The following LINGO1 variants were observed in gnomAD, a reference collection of about 807,000 sequenced individuals.
The protein encoded by LINGO1 is leucine-rich repeat and immunoglobulin-like domain-containing nogo receptor-interacting protein 1.
In LINGO1, 11 loss-of-function variants were observed where a neutral mutation model predicts 37.3. The observed-to-expected ratio is 0.29, with a 90% CI of 0.19 to 0.49. LINGO1 has a LOEUF of 0.49. Ranked by LOEUF, LINGO1 falls within the 20% of genes least tolerant of loss-of-function variation. The pLI, the probability that LINGO1 is intolerant of heterozygous loss-of-function variation, is 0.99. For synonymous variants in LINGO1, 387 were observed against 403.0 expected, an observed-to-expected ratio of 0.96 and a Z score of 0.48; for missense variants, 585 against 878.2, an observed-to-expected ratio of 0.67 and a Z score of 4.22.
At chr15:77,709,231 C>T (rs746636514) in intron 2 of LINGO1, among the ~76,000 whole-genome samples, 3 of 152,172 alleles carry the variant, frequency 2.0e-5, no homozygotes, top group Non-Finnish European at 4.4e-5. Flanking sequence ...ACTATCTGGC[C>T]ATGGAAAATG....
At chr15:77,747,448 C>G (rs1391558080) in intron 1 of LINGO1, among the ~76,000 whole-genome samples, 1 of 152,224 alleles carries the variant, frequency 6.6e-6, no homozygotes, top group African/African-American at 2.4e-5. Context: ...GTCAATCACT[C>G]CCCCTGCAAG....
chr15:77,637,084 G>A (rs866226382), upstream of LINGO1, among the ~76,000 whole-genome samples: 1 of 152,148 alleles, frequency 6.6e-6, no homozygotes, highest in African/African-American at 2.4e-5. The surrounding 1 kb of genome is among the most constrained non-coding windows in gnomAD (Gnocchi z 4.6). Context: ...TGTCACAAAG[G>A]GTCAGGCCTG....
At chr15:77,800,497 C>T (rs781025518) in intron 1 of LINGO1, among the ~76,000 whole-genome samples, 1 of 152,100 alleles carries the variant, frequency 6.6e-6, no homozygotes, top group Non-Finnish European at 1.5e-5. Context: ...GGAGCATGGA[C>T]GGATGGGGCC....
intron 1 of LINGO1, among the ~76,000 whole-genome samples, chr15:77,799,801 TTTTC>T (rs1219534143): frequency 6.9e-6 from 1 of 144,308 alleles, no homozygotes; most frequent in African/African-American, 2.6e-5. Context: ...TTTTGTTTTG[TTTTC>T]TTTTTTTTTG....
At chr15:77,814,865 G>A (rs1360298396) in intron 1 of LINGO1, among the ~76,000 whole-genome samples, 1 of 152,226 alleles carries the variant, frequency 6.6e-6, no homozygotes. Context: ...CTCCACTGAG[G>A]CCAGTGACCC....
At chr15:77,655,665 C>T (rs755323404) in intron 3 of LINGO1, among the ~76,000 whole-genome samples, 4 of 152,206 alleles carry the variant, frequency 2.6e-5, no homozygotes, top group Non-Finnish European at 5.9e-5. Context: ...ATCTTACAGA[C>T]TGGAGACACT....
intron 2 of LINGO1, among the ~76,000 whole-genome samples, chr15:77,703,355 G>T (rs182298516): frequency 1.3e-5 from 2 of 152,286 alleles, no homozygotes; most frequent in Non-Finnish European, 2.9e-5. Flanking sequence ...TGATTGTTTC[G>T]TGTCCTCGTG....
intron 1 of LINGO1, among the ~76,000 whole-genome samples, chr15:77,627,352 A>T (rs9920869): frequency 0.18 from 27,523 of 152,030 alleles, 5,356 homozygotes; most frequent in African/African-American, 0.49. Context: ...GCTCCAAATT[A>T]GCCTGCCAGC....
At chr15:77,790,856 C>T (rs1484291609), upstream of LINGO1, among the ~76,000 whole-genome samples, 1 of 152,210 alleles carries the variant, frequency 6.6e-6, no homozygotes, top group African/African-American at 2.4e-5. Context: ...GCCTGAGCTG[C>T]CTTGGAGAGA....
At chr15:77,770,565 G>A (rs2076574688) in intron 1 of LINGO1, among the ~76,000 whole-genome samples, 1 of 138,634 alleles carries the variant, frequency 7.2e-6, no homozygotes, top group Admixed American at 7.5e-5. Flanking sequence ...TCCAGCCTGG[G>A]TAACAAAGCG....
intron 1 of LINGO1, among the ~76,000 whole-genome samples, chr15:77,616,400 C>T (rs990176093): frequency 5.3e-5 from 8 of 152,208 alleles, no homozygotes; most frequent in Admixed American, 2.0e-4. Context: ...CTAGCCTGCA[C>T]GGCCAGGGCT....
At chr15:77,749,784 C>T (rs968828492) in intron 1 of LINGO1, among the ~76,000 whole-genome samples, 2 of 152,232 alleles carry the variant, frequency 1.3e-5, no homozygotes, top group Non-Finnish European at 2.9e-5. Flanking sequence ...GTTAGTCAAA[C>T]ATCTTCTCTC....
At chr15:77,810,079 C>A (rs1388606509) in intron 1 of LINGO1, among the ~76,000 whole-genome samples, 2 of 152,024 alleles carry the variant, frequency 1.3e-5, no homozygotes, top group Non-Finnish European at 2.9e-5. Flanking sequence ...CTAATCAGGG[C>A]ACTCCTCCTT....
intron 2 of LINGO1, among the ~76,000 whole-genome samples, chr15:77,682,458 G>T (rs1292981170): frequency 1.3e-5 from 2 of 151,908 alleles, no homozygotes; most frequent in Non-Finnish European, 2.9e-5. Context: ...ATGTCCATGT[G>T]TCCCTGCCAA....
chr15:77,699,181 T>C (rs1567531312), upstream of LINGO1, among the ~76,000 whole-genome samples: 1 of 151,940 alleles, frequency 6.6e-6, no homozygotes, highest in Non-Finnish European at 1.5e-5. Context: ...AGGACCTTGG[T>C]AGTCCCCTCG....
intron 2 of LINGO1, among the ~76,000 whole-genome samples, chr15:77,711,951 G>A (rs1364449281): frequency 1.3e-5 from 2 of 152,148 alleles, no homozygotes; most frequent in African/African-American, 4.8e-5. Flanking sequence ...TGTGCTCCCT[G>A]CTCCTCGGGG....
chr15:77,689,508 G>A lies in LINGO1; in HGVS notation c.-99+1212C>T, dbSNP rs533465505. ...CTAGAGAACTGCCCTCCACAAATGG[G>A]GGCCACCTCACCTGGGCCATCCAGG... On this transcript the variant is annotated intron_variant, in intron 2 of 3. Transcript: ENST00000559893. Among the ~76,000 whole-genome samples, 8 of 152,282 alleles carry A rather than the reference G, an allele frequency of 5.3e-5. No individual in the cohort carries two copies. In the South Asian group the frequency reaches 1.7e-3, roughly 32 times the overall value.
At chr15:77,682,481 T>C (rs1027594685) in intron 2 of LINGO1, among the ~76,000 whole-genome samples, 5 of 152,054 alleles carry the variant, frequency 3.3e-5, no homozygotes, top group Non-Finnish European at 7.4e-5. Context: ...TGACCACTCA[T>C]GTGCACCTGC....
At chr15:77,815,891 C>T (rs985854710) in intron 1 of LINGO1, among the ~76,000 whole-genome samples, 2 of 152,194 alleles carry the variant, frequency 1.3e-5, no homozygotes, top group African/African-American at 2.4e-5. Context: ...CTGGTGCCAA[C>T]CTTCTCCATG....
Sources: allele counts gnomAD v4.1 joint callset (sites outside exome capture counted in the v4.1 genomes callset), GRCh38; gene constraint gnomAD v4.1.1; non-coding constraint Gnocchi (gnomAD v3.1); transcripts MANE v1.5; gene names NCBI Gene and HGNC (gene_info 2026-07-23, HGNC 2026-07-21).